EML4: variants seen among roughly 807,000 people sequenced by gnomAD.
The protein encoded by EML4 is echinoderm microtubule-associated protein-like 4.
In EML4, 72 loss-of-function variants were observed where a neutral mutation model predicts 129.0. That is an observed-to-expected ratio of 0.56 (90% CI 0.46 to 0.68). The LOEUF (loss-of-function observed/expected upper bound fraction) is 0.68. Ranked by LOEUF, EML4 falls within the 30% of genes least tolerant of loss-of-function variation. The pLI is 0.00. For synonymous variants in EML4, 532 were observed against 405.0 expected, an observed-to-expected ratio of 1.31 and a Z score of -3.77; for missense variants, 1,363 against 1,190.6, an observed-to-expected ratio of 1.14 and a Z score of -2.13.
intron 7 of EML4, among the ~76,000 whole-genome samples, chr2:42,281,867 C>T (rs1469805950): frequency 6.6e-6 from 1 of 152,130 alleles, no homozygotes; most frequent in Admixed American, 6.5e-5. Flanking sequence ...TGTTGTCTGC[C>T]TCCATTCTCC....
intron 1 of EML4, among the ~76,000 whole-genome samples, chr2:42,215,352 C>T (rs1673122779): frequency 6.6e-6 from 1 of 152,152 alleles, no homozygotes; most frequent in Admixed American, 6.5e-5. Flanking sequence ...CATGCCCAGC[C>T]ATAAAACCAC....
At chr2:42,281,788 A>G (rs2104463001) in intron 7 of EML4, among the ~76,000 whole-genome samples, 1 of 152,286 alleles carries the variant, frequency 6.6e-6, no homozygotes, top group African/African-American at 2.4e-5. Context: ...AATTTCACCT[A>G]GAAATTTTCA....
At chr2:42,211,057 C>G (rs369178156) in intron 1 of EML4, among the ~76,000 whole-genome samples, 12 of 152,248 alleles carry the variant, frequency 7.9e-5, no homozygotes, top group African/African-American at 2.4e-4. Flanking sequence ...ACTGGAGCAT[C>G]CTGTCTCCTT....
chr2:42,259,543 C>CTG (rs1665576205), intron 3 of EML4, among the ~76,000 whole-genome samples: 1 of 152,020 alleles, frequency 6.6e-6, no homozygotes, highest in Non-Finnish European at 1.5e-5. Context: ...AACCTACCCT[C>CTG]TAAGTATATA....
chr2:42,264,818 C>G (rs539427565), intron 6 of EML4, 87 bp downstream of exon 6: 4 of 1,396,730 alleles, frequency 2.9e-6, no homozygotes, highest in African/African-American at 1.4e-5. Flanking sequence ...ATCCAGTGCA[C>G]TTTATCAGTT....
chr2:42,251,446 A>G (rs927332016), intron 2 of EML4, among the ~76,000 whole-genome samples: 1 of 152,206 alleles, frequency 6.6e-6, no homozygotes, highest in Non-Finnish European at 1.5e-5. Context: ...CTTCTTTGTC[A>G]CTTCCACTCA....
chr2:42,284,737 G>C (rs1667194155), intron 9 of EML4, 34 bp downstream of exon 9: 3 of 1,477,304 alleles, frequency 2.0e-6, no homozygotes, highest in African/African-American at 1.4e-5. Context: ...TCTGTACCTA[G>C]AGACATTGCT....
At chr2:42,192,829 C>T (rs1328703327) in intron 1 of EML4, among the ~76,000 whole-genome samples, 2 of 152,170 alleles carry the variant, frequency 1.3e-5, no homozygotes, top group Non-Finnish European at 2.9e-5. Flanking sequence ...ATGATTTTCA[C>T]TTTTCTGTGG....
At chr2:42,251,850 A>T (rs972015861) in intron 2 of EML4, among the ~76,000 whole-genome samples, 6 of 152,258 alleles carry the variant, frequency 3.9e-5, no homozygotes, top group African/African-American at 1.4e-4. Context: ...ATTATTTTAA[A>T]TTTTTGTTTG....
At position 42,315,347 on chromosome 2, in the gene EML4, G is replaced by T. The variant is rs1019980414; in HGVS notation, c.1968-615G>T. Among the ~76,000 whole-genome samples the T allele has an allele frequency of 4.6e-5, 7 of 152,148 alleles. No individual in the cohort carries two copies. In the South Asian group the frequency reaches 1.5e-3, roughly 32 times the overall value. ...GACTCATTTCCTTTCTCCCAACTTAGTGTCTTCTTCAAGAACACTGATCCT... is the reference window on the plus strand; with the variant it reads ...GACTCATTTCCTTTCTCCCAACTTATTGTCTTCTTCAAGAACACTGATCCT... On this transcript the variant is annotated intron_variant, in intron 17 of 22. Transcript: ENST00000318522.
intron 17 of EML4, among the ~76,000 whole-genome samples, chr2:42,315,163 A>G (rs1669175613): frequency 1.3e-5 from 2 of 152,078 alleles, no homozygotes; most frequent in African/African-American, 4.8e-5. Context: ...TCCTGCCTAA[A>G]ATGTCTGAAC....
intron 3 of EML4, among the ~76,000 whole-genome samples, chr2:42,259,356 T>C (rs902099729): frequency 3.9e-5 from 6 of 152,134 alleles, no homozygotes; most frequent in Admixed American, 2.0e-4. Flanking sequence ...CTTTATAATA[T>C]TGTCAAGAGT....
chr2:42,315,854 C>T (rs982185923), intron 17 of EML4, 108 bp from the exon 18 acceptor site: 10 of 750,744 alleles, frequency 1.3e-5, no homozygotes, highest in Admixed American at 2.3e-5. Flanking sequence ...TGCACACCAG[C>T]GTTATGACAA....
chr2:42,290,097 A>G (rs1344917888), intron 11 of EML4, among the ~76,000 whole-genome samples: 1 of 151,862 alleles, frequency 6.6e-6, no homozygotes, highest in Non-Finnish European at 1.5e-5. Context: ...AAAAAATAAT[A>G]AAAATAAAGT....
At chr2:42,264,760 A>G (rs1214131773) in intron 6 of EML4, 29 bp downstream of exon 6, 1 of 1,466,404 alleles carries the variant, frequency 6.8e-7, no homozygotes, top group Admixed American at 1.9e-5. Context: ...TAAAAATTTT[A>G]TTTTGCCCTT....
chr2:42,193,675 C>G (rs943386904), intron 1 of EML4, among the ~76,000 whole-genome samples: 2 of 151,630 alleles, frequency 1.3e-5, no homozygotes, highest in Non-Finnish European at 2.9e-5. Flanking sequence ...TCATTATAGG[C>G]GTTCTTTTTT....
chr2:42,270,749 A>G (rs1317414939), intron 6 of EML4, among the ~76,000 whole-genome samples: 1 of 152,200 alleles, frequency 6.6e-6, no homozygotes, highest in Non-Finnish European at 1.5e-5. Flanking sequence ...CGAACTACAG[A>G]CAGATTCTTT....
chr2:42,255,216 G>A (rs561724463), intron 2 of EML4, among the ~76,000 whole-genome samples: 41 of 152,104 alleles, frequency 2.7e-4, no homozygotes, highest in South Asian at 1.9e-3. Context: ...CTCCCAAGTA[G>A]CTGGGACTAC....
At chr2:42,257,796 C>T (rs1572640068) in intron 3 of EML4, among the ~76,000 whole-genome samples, 1 of 150,090 alleles carries the variant, frequency 6.7e-6, no homozygotes, top group Admixed American at 6.6e-5. Context: ...ACGATTGCGC[C>T]ACTGTATCCC....
Sources: gnomAD v4.1 joint callset for allele counts (sites outside exome capture counted in the v4.1 genomes callset) on GRCh38, gnomAD v4.1.1 for gene constraint, MANE v1.5 for transcripts, NCBI Gene and HGNC (gene_info 2026-07-23, HGNC 2026-07-21) for gene names.